The following VAV3 variants were observed in gnomAD, a reference collection of about 807,000 sequenced individuals.
The protein encoded by VAV3 is guanine nucleotide exchange factor VAV3.
In VAV3, 94 loss-of-function variants were observed where a neutral mutation model predicts 131.2. The ratio of observed to expected loss-of-function variants is 0.72; its 90% CI spans 0.61 to 0.85. The LOEUF is 0.85. VAV3 is among the 40% of genes least tolerant of loss of function. VAV3 has a pLI of 0.00. For missense variants in VAV3, 939 were observed against 1,002.7 expected, an observed-to-expected ratio of 0.94 and a Z score of 0.86; for synonymous variants, 349 against 342.0, an observed-to-expected ratio of 1.02 and a Z score of -0.22.
At chr1:107,914,283 G>A (rs1028242346) in intron 1 of VAV3, among the ~76,000 whole-genome samples, 5 of 152,114 alleles carry the variant, frequency 3.3e-5, no homozygotes, top group African/African-American at 4.8e-5. Context: ...GGCAGCTGAC[G>A]CAAGAACCTC....
At chr1:107,592,744 C>G (rs572713765) in intron 25 of VAV3, among the ~76,000 whole-genome samples, 74 of 152,228 alleles carry the variant, frequency 4.9e-4, no homozygotes, top group African/African-American at 1.8e-3. Context: ...AAGGTCCAGA[C>G]AGGCTAAGTG....
intron 20 of VAV3, among the ~76,000 whole-genome samples, chr1:107,640,920 GA>G (rs1655293188): frequency 6.6e-6 from 1 of 152,126 alleles, no homozygotes; most frequent in African/African-American, 2.4e-5. Context: ...GAATGAAGTT[GA>G]AAATTTAGGA....
At chr1:107,747,236 A>G (rs1193672106) in intron 15 of VAV3, among the ~76,000 whole-genome samples, 1 of 152,228 alleles carries the variant, frequency 6.6e-6, no homozygotes, top group Non-Finnish European at 1.5e-5. Flanking sequence ...TGAACAAAAT[A>G]GTAACTGACA....
At chr1:107,886,231 C>A (rs1049103419) in intron 1 of VAV3, among the ~76,000 whole-genome samples, 4 of 152,218 alleles carry the variant, frequency 2.6e-5, no homozygotes, top group Non-Finnish European at 5.9e-5. Flanking sequence ...TAAGAACTTG[C>A]CATGGAGTAT....
intron 2 of VAV3, chr1:107,785,571 G>T (rs755379072): frequency 1.9e-4 from 231 of 1,210,190 alleles, no homozygotes; most frequent in Middle Eastern, 5.1e-4. Context: ...ACAACATTAG[G>T]TTGCTATCTA....
intron 15 of VAV3, among the ~76,000 whole-genome samples, chr1:107,727,601 T>C (rs137950595): frequency 6.6e-6 from 1 of 151,702 alleles, no homozygotes; most frequent in East Asian, 1.9e-4. Context: ...AAATTAATAT[T>C]TGACTATTTC....
chr1:107,777,077 T>C (rs1207859087), intron 4 of VAV3, among the ~76,000 whole-genome samples, 154 bp downstream of exon 4: 1 of 152,248 alleles, frequency 6.6e-6, no homozygotes, highest in East Asian at 1.9e-4. Context: ...TGAAGTACAT[T>C]TTCTTGTAAA....
intron 2 of VAV3, among the ~76,000 whole-genome samples, chr1:107,782,381 A>G (rs1479787942): frequency 6.6e-6 from 1 of 152,148 alleles, no homozygotes; most frequent in Non-Finnish European, 1.5e-5. Flanking sequence ...GATTTTTTTC[A>G]TGAGTGTCCA....
chr1:107,942,090 A>G (rs936383356), intron 1 of VAV3, among the ~76,000 whole-genome samples: 1 of 152,130 alleles, frequency 6.6e-6, no homozygotes, highest in Admixed American at 6.5e-5. Flanking sequence ...TGCCTGCCCA[A>G]TCACAGTAAT....
At chr1:107,881,926 G>T (rs537652423) in intron 1 of VAV3, among the ~76,000 whole-genome samples, 2 of 152,100 alleles carry the variant, frequency 1.3e-5, no homozygotes, top group African/African-American at 4.8e-5. Flanking sequence ...ACTCTGAATC[G>T]CTCCTTTTCC....
intron 1 of VAV3, among the ~76,000 whole-genome samples, chr1:107,958,660 G>A (rs1439926753): frequency 1.3e-5 from 2 of 151,960 alleles, no homozygotes; most frequent in African/African-American, 4.8e-5. Context: ...TAAGTTCTGG[G>A]ATACATGTGA....
At chr1:107,769,412 T>C (rs1019948132) in intron 6 of VAV3, among the ~76,000 whole-genome samples, 5 of 152,176 alleles carry the variant, frequency 3.3e-5, no homozygotes, top group African/African-American at 1.2e-4. Context: ...GCTACTACAG[T>C]TCCCTAGTCA....
At chr1:107,961,800 A>C (rs1031918217) in intron 1 of VAV3, among the ~76,000 whole-genome samples, 11 of 152,228 alleles carry the variant, frequency 7.2e-5, no homozygotes, top group African/African-American at 2.7e-4. Flanking sequence ...TTTATTTTGA[A>C]AGATAATCAA....
chr1:107,587,485 C>T (rs887538604), intron 25 of VAV3, among the ~76,000 whole-genome samples: 11 of 152,156 alleles, frequency 7.2e-5, no homozygotes, highest in Non-Finnish European at 1.3e-4. Flanking sequence ...ACTAGTAAAA[C>T]CAAATTCTTG....
rs1274012970 is a variant in VAV3, at chr1:107,596,291, G to A, written c.2271C>T (p.Thr757=). 6.2e-7 allele frequency: 1 copy of A among 1,613,594 alleles called. No individual in the cohort carries two copies. The change falls in exon 25 of 27, where the codon ACC becomes ACT. Residue 757 remains threonine, a synonymous_variant. Transcript: ENST00000370056. ...ATGGAAACTGCAGAGTTGTATCTAA[G>A]GTTCTGAACCCTTCCTTGAGAGAAT... ...KHHSLKEGFR[T]LDTTLQFPYK...
rs1675364108 is a variant in VAV3, at chr1:107,965,005, A to G, written c.-136T>C. ...TTTCCCCGCGCGGGATCGAGGGAGC[A>G]GGAGCCGCGGCTGACGGGTCGCGGG... On this transcript the variant is annotated 5_prime_UTR_variant, in exon 1 of 27. Coordinates refer to ENST00000370056, the MANE Select transcript of VAV3 (RefSeq NM_006113.5). The G allele has an allele frequency of 1.4e-6, 1 of 726,924 alleles. No homozygotes were observed. Among genetic ancestry groups the G allele is most frequent in the East Asian group, 6.1e-5 (1 of 16,484 alleles). The allele number at this position is 726,924 out of a possible 1,614,324, so 45.0% of individuals were successfully genotyped here.
At chr1:107,802,140 T>A (rs774919342) in intron 2 of VAV3, among the ~76,000 whole-genome samples, 18 of 152,126 alleles carry the variant, frequency 1.2e-4, no homozygotes, top group Non-Finnish European at 1.9e-4. Flanking sequence ...CTTTCTTGAT[T>A]TCTTTTTCAG....
chr1:107,793,155 T>C (rs1373757878), intron 2 of VAV3, among the ~76,000 whole-genome samples: 1 of 152,096 alleles, frequency 6.6e-6, no homozygotes, highest in Non-Finnish European at 1.5e-5. Flanking sequence ...AATAATGATA[T>C]TATCCTCATT....
chr1:107,860,868 C>CA (rs1378577067), intron 2 of VAV3, among the ~76,000 whole-genome samples: 2 of 151,282 alleles, frequency 1.3e-5, no homozygotes, highest in Admixed American at 6.6e-5. Flanking sequence ...CTATCTTTTA[C>CA]AAAAAAAGAA....
Sources: allele counts gnomAD v4.1 joint callset (sites outside exome capture counted in the v4.1 genomes callset), GRCh38; gene constraint gnomAD v4.1.1; transcripts MANE v1.5; gene names NCBI Gene and HGNC (gene_info 2026-07-23, HGNC 2026-07-21).